The following PSTPIP2 variants were observed in gnomAD, a reference collection of about 807,000 sequenced individuals.
The protein encoded by PSTPIP2 is proline-serine-threonine phosphatase interacting protein 2.
Under a neutral mutation model 63.3 loss-of-function variants are expected in PSTPIP2, and 33 were observed. The observed-to-expected ratio is 0.52, with a 90% CI of 0.40 to 0.70. The LOEUF (loss-of-function observed/expected upper bound fraction) is 0.70, where lower values mean the gene tolerates loss of function less well. Among genes scored for constraint, PSTPIP2 ranks in the 30% least tolerant of loss-of-function variants. The pLI is 0.00. For synonymous variants in PSTPIP2, 125 were observed against 132.7 expected, an observed-to-expected ratio of 0.94 and a Z score of 0.40; for missense variants, 312 against 400.7, an observed-to-expected ratio of 0.78 and a Z score of 1.89.
chr18:46,016,684 T>C (rs779829877), intron 3 of PSTPIP2, among the ~76,000 whole-genome samples: 2 of 152,190 alleles, frequency 1.3e-5, no homozygotes, highest in African/African-American at 2.4e-5. Flanking sequence ...GTTCTGTGGA[T>C]TGCCAGTCTG....
chr18:46,019,590 C>G (rs1907272279), intron 3 of PSTPIP2, among the ~76,000 whole-genome samples: 1 of 152,134 alleles, frequency 6.6e-6, no homozygotes, highest in Non-Finnish European at 1.5e-5. Flanking sequence ...CATTTGAGGT[C>G]AGGAGTTCAA....
chr18:45,995,042 T>C (rs1306504743), intron 9 of PSTPIP2, among the ~76,000 whole-genome samples: 6 of 151,818 alleles, frequency 4.0e-5, no homozygotes, highest in African/African-American at 1.5e-4. Flanking sequence ...GTATCATTCC[T>C]ATGCAGGGTT....
chr18:46,024,537 T>C lies in PSTPIP2; in HGVS notation c.212+72A>G, dbSNP rs1287447486. 3 of 1,317,704 alleles carry C rather than the reference T, an allele frequency of 2.3e-6. No homozygotes were observed. In the African/African-American group the frequency reaches 4.4e-5, roughly 19 times the overall value. The allele number at this position is 1,317,704 out of a possible 1,614,324, so 81.6% of individuals were successfully genotyped here. ...GCATACTTCAACCTCCTGGTAACTC[T>C]GTCTGCTGAAGCGAGGGAGCTCCCA... is the stretch of plus-strand genomic sequence containing the variant. On this transcript the variant is annotated intron_variant, in intron 3 of 14. Coordinates refer to ENST00000409746, the MANE Select transcript of PSTPIP2 (RefSeq NM_024430.4).
intron 2 of PSTPIP2, chr18:46,029,526 T>C (rs753738586): frequency 3.8e-5 from 31 of 820,164 alleles, no homozygotes; most frequent in Non-Finnish European, 6.1e-5. Flanking sequence ...CAGTTGCTTG[T>C]GGTTCTAATT....
intron 14 of PSTPIP2, among the ~76,000 whole-genome samples, chr18:45,987,132 C>A (rs1379307954): frequency 2.0e-5 from 3 of 152,202 alleles, no homozygotes; most frequent in African/African-American, 7.2e-5. Context: ...AGCCACTGTG[C>A]CCAGTCATTA....
At position 45,986,920 on chromosome 18, in the gene PSTPIP2, C is replaced by T. The variant is rs984109819; in HGVS notation, c.*9-1470G>A. Among the ~76,000 whole-genome samples the T allele has an allele frequency of 2.0e-5, 3 of 152,216 alleles. No individual in the cohort carries two copies. In the South Asian group the frequency reaches 6.2e-4, roughly 32 times the overall value. ...TGGCGCAATCTCAGCTCACTACAAC[C>T]TCCACCTCCTGGGTTCGAGTGATTC... On this transcript the variant is annotated intron_variant, in intron 14 of 14. Coordinates refer to ENST00000409746, the MANE Select transcript of PSTPIP2 (RefSeq NM_024430.4).
chr18:46,061,961 C>T (rs940603562), intron 1 of PSTPIP2, among the ~76,000 whole-genome samples: 3 of 152,214 alleles, frequency 2.0e-5, no homozygotes, highest in African/African-American at 7.2e-5. Context: ...TCACTTCCAA[C>T]AGCTATTCTT....
chr18:46,027,065 C>T (rs923548484), intron 2 of PSTPIP2, among the ~76,000 whole-genome samples: 5 of 151,902 alleles, frequency 3.3e-5, no homozygotes, highest in African/African-American at 7.2e-5. Flanking sequence ...GAGGCCAAGG[C>T]GGTGGATCAC....
intron 1 of PSTPIP2, among the ~76,000 whole-genome samples, chr18:46,069,566 G>A (rs965097800): frequency 7.9e-5 from 12 of 152,246 alleles, no homozygotes; most frequent in Admixed American, 5.9e-4. Flanking sequence ...ACAGGCACAC[G>A]CCAGCTCCAA....
chr18:45,990,420 G>A (rs562484305), intron 13 of PSTPIP2, among the ~76,000 whole-genome samples: 1 of 140,058 alleles, frequency 7.1e-6, no homozygotes, highest in East Asian at 2.3e-4. Context: ...GTTTTTTGGG[G>A]TTTTTTTGTT....
intron 4 of PSTPIP2, among the ~76,000 whole-genome samples, chr18:46,015,100 A>T (rs2051839697): frequency 6.6e-6 from 1 of 152,166 alleles, no homozygotes; most frequent in Non-Finnish European, 1.5e-5. Context: ...GCTGTTGAAG[A>T]GTCAAGCTAG....
At chr18:45,999,560 C>G in intron 6 of PSTPIP2, 26 bp from the exon 7 acceptor site, 1 of 1,611,294 alleles carries the variant, frequency 6.2e-7, no homozygotes, top group Non-Finnish European at 8.5e-7. Context: ...CAAAGAGAAC[C>G]AAAACAAATG....
chr18:46,027,961 G>A (rs192409120), intron 2 of PSTPIP2, among the ~76,000 whole-genome samples: 3 of 152,178 alleles, frequency 2.0e-5, no homozygotes, highest in African/African-American at 7.2e-5. Context: ...AGGAGTTTGA[G>A]ACCAGTCTGG....
chr18:46,070,961 T>C (rs1909372722), intron 1 of PSTPIP2, among the ~76,000 whole-genome samples: 1 of 152,164 alleles, frequency 6.6e-6, no homozygotes, highest in African/African-American at 2.4e-5. Context: ...GTGCCTGCCA[T>C]GGGATCCCCC....
chr18:45,987,449 T>C (rs1361104626), intron 14 of PSTPIP2, among the ~76,000 whole-genome samples: 1 of 147,366 alleles, frequency 6.8e-6, no homozygotes, highest in African/African-American at 2.5e-5. Context: ...GATACTGTTA[T>C]CCAGGGCATA....
At chr18:46,029,518 G>A in intron 2 of PSTPIP2, 1 of 828,496 alleles carries the variant, frequency 1.2e-6, no homozygotes, top group East Asian at 2.4e-5. Flanking sequence ...GGAATGGACA[G>A]TTGCTTGTGG....
At chr18:46,072,085 G>T (rs1486256489) in intron 1 of PSTPIP2, 71 bp downstream of exon 1, 1 of 1,498,544 alleles carries the variant, frequency 6.7e-7, no homozygotes, top group Non-Finnish European at 8.9e-7. Flanking sequence ...AGCCCCCCAC[G>T]CCCGCCGCGT....
chr18:46,014,079 G>C (rs1340804572), intron 4 of PSTPIP2, among the ~76,000 whole-genome samples: 12 of 151,902 alleles, frequency 7.9e-5, no homozygotes, highest in Non-Finnish European at 1.8e-4. Flanking sequence ...CTGGGGTGCA[G>C]TGGCAAGATC....
intron 2 of PSTPIP2, among the ~76,000 whole-genome samples, chr18:46,038,173 C>A (rs571433045): frequency 3.0e-3 from 462 of 152,318 alleles, no homozygotes; most frequent in Non-Finnish European, 4.4e-3. Context: ...GATCCCCCGA[C>A]CTCAGCCTCC....
Sources: gnomAD v4.1 joint callset for allele counts (sites outside exome capture counted in the v4.1 genomes callset) on GRCh38, gnomAD v4.1.1 for gene constraint, MANE v1.5 for transcripts, NCBI Gene and HGNC (gene_info 2026-07-23, HGNC 2026-07-21) for gene names.